The following SS18 variants were observed in gnomAD, a reference collection of about 807,000 sequenced individuals.
SS18 encodes the protein SS18 subunit of BAF chromatin remodeling complex, also known as protein SSXT.
Under a neutral mutation model 72.5 loss-of-function variants are expected in SS18, and 28 were observed. The ratio of observed to expected loss-of-function variants is 0.39; its 90% CI spans 0.29 to 0.53. SS18 has a LOEUF of 0.53. SS18 is among the 20% of genes least tolerant of loss of function. SS18 has a pLI of 0.76. For synonymous variants in SS18, 172 were observed against 164.2 expected (o/e 1.05, Z -0.37); for missense variants, 518 against 535.3 (o/e 0.97, Z 0.32).
At chr18:26,018,431 G>T in intron 10 of SS18, 51 bp from the exon 11 acceptor site, 1 of 1,349,494 alleles carries the variant, frequency 7.4e-7, no homozygotes, top group Non-Finnish European at 1.0e-6. Context: ...ACCATAACAG[G>T]CAAAGAAGAT....
At chr18:26,048,634 G>T (rs1264695242) in intron 5 of SS18, among the ~76,000 whole-genome samples, 3 of 152,096 alleles carry the variant, frequency 2.0e-5, no homozygotes, top group Non-Finnish European at 2.9e-5. Flanking sequence ...CTTATATAAC[G>T]AATGTGAACA....
chr18:26,086,370 TGTTATTAAA>T (rs1256416378), intron 2 of SS18, among the ~76,000 whole-genome samples: 1 of 152,140 alleles, frequency 6.6e-6, no homozygotes, highest in Admixed American at 6.5e-5. Flanking sequence ...AAATGAGATG[TGTTATTAAA>T]GCAAGATACA....
chr18:26,037,862 T>C (rs1477577438), intron 7 of SS18, among the ~76,000 whole-genome samples: 3 of 152,130 alleles, frequency 2.0e-5, no homozygotes, highest in African/African-American at 7.2e-5. Flanking sequence ...AACCTACTTG[T>C]ATGCTTGGAT....
rs1424475824 is a variant in SS18 at position 26,023,566 on chromosome 18, G to C, written c.1231-5186C>G. 6.1e-6 allele frequency: 3 copies of C among 492,300 alleles called. No homozygotes were observed. The Admixed American group carries it at 7.6e-5, about 13-fold the overall frequency. The allele number at this position is 492,300 out of a possible 1,614,324, so 30.5% of individuals were successfully genotyped here. ...AAATGTCTCCTTGGAAACAATGTAAGGAAGAAAAGAGTGGAGCATCTTTAA... is the reference window on the plus strand; with the variant it reads ...AAATGTCTCCTTGGAAACAATGTAACGAAGAAAAGAGTGGAGCATCTTTAA... On this transcript the variant is annotated intron_variant, in intron 10 of 10. Transcript: ENST00000415083.
chr18:26,035,180 C>G lies in SS18; in HGVS notation c.974-53G>C. Reference sequence around the variant, plus strand: ...AAAACTGAGAAGTCTGCTTAAGTAACTTTTTTCCCTCTAAGATGCATAGCC... The same window carrying G: ...AAAACTGAGAAGTCTGCTTAAGTAAGTTTTTTCCCTCTAAGATGCATAGCC... On this transcript the variant is annotated intron_variant, in intron 8 of 10. Transcript: ENST00000415083. This position sits in a 1 kb window ranked among gnomAD's most constrained non-coding sequence, Gnocchi z 4.4. The G allele has an allele frequency of 6.3e-7, 1 of 1,592,532 alleles. No homozygotes were observed. Among genetic ancestry groups the G allele is most frequent in the Admixed American group, 1.7e-5 (1 of 58,240 alleles).
intron 3 of SS18, among the ~76,000 whole-genome samples, chr18:26,069,808 G>A (rs1021792396): frequency 6.6e-6 from 1 of 152,140 alleles, no homozygotes; most frequent in African/African-American, 2.4e-5. Context: ...GAATGAAATT[G>A]TTCTCTCATA....
At chr18:26,032,228 T>G (rs369494084) in intron 10 of SS18, among the ~76,000 whole-genome samples, 171 bp downstream of exon 10, 45 of 152,100 alleles carry the variant, frequency 3.0e-4, no homozygotes, top group African/African-American at 1.1e-3. Context: ...AACTGTGTTA[T>G]TAAACAGCAT....
chr18:26,030,844 C>T (rs1285590017), intron 10 of SS18, among the ~76,000 whole-genome samples: 2 of 150,620 alleles, frequency 1.3e-5, no homozygotes, highest in East Asian at 3.9e-4. Context: ...AAAAGGAAAA[C>T]CAATAAAAAC....
At chr18:26,061,130 G>A (rs551861873) in intron 3 of SS18, among the ~76,000 whole-genome samples, 9 of 152,218 alleles carry the variant, frequency 5.9e-5, no homozygotes, top group South Asian at 4.1e-4. Flanking sequence ...TGGCTAACAC[G>A]GTGAAACCCT....
Position 26,062,605 on chromosome 18 carries a change from T to G in SS18, c.232-4863A>C, listed in dbSNP as rs74554518. Among the ~76,000 whole-genome samples the G allele has an allele frequency of 4.3e-3, 658 of 152,252 alleles. 3 individuals carry two copies. The highest frequency in any genetic ancestry group is 0.014 in the African/African-American group (593 of 41,560). Reference sequence around the variant, plus strand: ...CATTCCAATTAAATAACAAATACATTAGATTGGATTTCAAAACACACAACT... The same window carrying G: ...CATTCCAATTAAATAACAAATACATGAGATTGGATTTCAAAACACACAACT... On this transcript the variant is annotated intron_variant, in intron 3 of 10. Transcript: ENST00000415083.
rs1444566616 is a variant in SS18, at chr18:26,035,859, C to T, written c.945G>A (p.Glu315=). ...CTTCGTAGTAATGTTGTGAGGAATC[C>T]TCATAAGGCCTATCGTAGCCTTGTT... ...YPEQGYDRPY[E]DSSQHYYEGG... The change falls in exon 8 of 11, where the codon GAG becomes GAA. Residue 315 remains glutamate, a synonymous_variant. Coordinates refer to ENST00000415083, the MANE Select transcript of SS18 (RefSeq NM_001007559.3). This position sits in a 1 kb window ranked among gnomAD's most constrained non-coding sequence, Gnocchi z 4.4. 6.2e-7 allele frequency: 1 copy of T among 1,601,088 alleles called. No homozygotes were observed. The highest frequency in any genetic ancestry group is 1.7e-5 in the Admixed American group (1 of 59,070).
At chr18:26,076,793 T>TA (rs2144134129) in intron 3 of SS18, among the ~76,000 whole-genome samples, 1 of 151,858 alleles carries the variant, frequency 6.6e-6, no homozygotes, top group East Asian at 1.9e-4. Flanking sequence ...AATTTCAACA[T>TA]AACAAAGAAT....
chr18:26,055,411 G>A (rs1483744868), intron 4 of SS18, among the ~76,000 whole-genome samples: 3 of 151,910 alleles, frequency 2.0e-5, no homozygotes, highest in East Asian at 2.0e-4. Context: ...AGGTTGCAGT[G>A]AGCCGAGATT....
At chr18:26,087,698 T>C in intron 1 of SS18, 121 bp from the exon 2 acceptor site, 3 of 569,896 alleles carry the variant, frequency 5.3e-6, no homozygotes, top group Non-Finnish European at 9.4e-6. Flanking sequence ...CTAAAGCGTA[T>C]CCCTTAACAA....
At chr18:26,083,747 C>A (rs1274149135) in intron 2 of SS18, among the ~76,000 whole-genome samples, 3 of 152,080 alleles carry the variant, frequency 2.0e-5, no homozygotes, top group East Asian at 3.8e-4. Flanking sequence ...CATTAGGTAG[C>A]GCATGATTGT....
At chr18:26,075,253 G>C (rs1025024542) in intron 3 of SS18, among the ~76,000 whole-genome samples, 2 of 151,838 alleles carry the variant, frequency 1.3e-5, no homozygotes, top group African/African-American at 4.8e-5. Flanking sequence ...ATAAAAACCA[G>C]ACGAAGGCAT....
At chr18:26,057,960 T>C (rs1041678781) in intron 3 of SS18, among the ~76,000 whole-genome samples, 3 of 152,202 alleles carry the variant, frequency 2.0e-5, no homozygotes, top group African/African-American at 4.8e-5. Flanking sequence ...AATTAAAATG[T>C]TAACATTCTA....
intron 10 of SS18, among the ~76,000 whole-genome samples, chr18:26,026,057 T>C (rs2053439974): frequency 6.6e-6 from 1 of 152,178 alleles, no homozygotes; most frequent in Non-Finnish European, 1.5e-5. Context: ...GAATTTCTAC[T>C]AAATACACAT....
intron 3 of SS18, among the ~76,000 whole-genome samples, chr18:26,061,775 G>A (rs781314117): frequency 1.3e-5 from 2 of 152,114 alleles, no homozygotes; most frequent in Admixed American, 6.5e-5. Context: ...GAAAACACTT[G>A]TTATAAGAGA....
Sources: allele counts gnomAD v4.1 joint callset (sites outside exome capture counted in the v4.1 genomes callset), GRCh38; gene constraint gnomAD v4.1.1; non-coding constraint Gnocchi (gnomAD v3.1); transcripts MANE v1.5; gene names NCBI Gene and HGNC (gene_info 2026-07-23, HGNC 2026-07-21).